Variants in TPH2 observed in about 807,000 individuals in gnomAD.
TPH2 encodes tryptophan hydroxylase 2, also known as tryptophan 5-hydroxylase 2.
Under a neutral mutation model 59.1 loss-of-function variants are expected in TPH2, and 27 were observed. The observed-to-expected ratio is 0.46, with a 90% CI of 0.34 to 0.63. The LOEUF (loss-of-function observed/expected upper bound fraction) is 0.63, where lower values mean the gene tolerates loss of function less well. Ranked by LOEUF, TPH2 falls within the 30% of genes least tolerant of loss-of-function variation. TPH2 has a pLI of 0.01. For missense variants in TPH2, 523 were observed against 588.3 expected (o/e 0.89, Z 1.15); for synonymous variants, 220 against 210.5 (o/e 1.05, Z -0.39).
At chr12:71,975,384 TG>T (rs1235743238) in intron 6 of TPH2, among the ~76,000 whole-genome samples, 3 of 152,060 alleles carry the variant, frequency 2.0e-5, no homozygotes, top group Admixed American at 2.0e-4. Context: ...CTATTCTCAC[TG>T]TTGGGGTGTA....
chr12:72,011,250 A>G (rs942990194), intron 8 of TPH2, among the ~76,000 whole-genome samples: 1 of 152,228 alleles, frequency 6.6e-6, no homozygotes, highest in East Asian at 1.9e-4. Flanking sequence ...CTAAGGTCCA[A>G]TGAGTGAGAC....
chr12:72,006,079 C>A (rs542808614), intron 8 of TPH2, among the ~76,000 whole-genome samples: 1 of 152,088 alleles, frequency 6.6e-6, no homozygotes, highest in Admixed American at 6.6e-5. Flanking sequence ...TGACACTATG[C>A]GGTTTTCCTG....
rs963245658 is a variant in TPH2 at position 71,945,171 on chromosome 12, A to G, written c.540+485A>G. Among the ~76,000 whole-genome samples the G allele has an allele frequency of 3.3e-5, 5 of 152,318 alleles. No homozygotes were observed. In the East Asian group the frequency reaches 9.6e-4, roughly 29 times the overall value. On this transcript the variant is annotated intron_variant, in intron 4 of 10. Coordinates refer to ENST00000333850, the MANE Select transcript of TPH2 (RefSeq NM_173353.4). ...ATGGAAAGGTAGAGAGTTTTAGAATAAAGGCTATGATGGAAGACATATCTC... is the reference window on the plus strand; with the variant it reads ...ATGGAAAGGTAGAGAGTTTTAGAATGAAGGCTATGATGGAAGACATATCTC...
At chr12:71,958,716 A>C (rs899002945) in intron 5 of TPH2, among the ~76,000 whole-genome samples, 1 of 152,204 alleles carries the variant, frequency 6.6e-6, no homozygotes, top group Non-Finnish European at 1.5e-5. Flanking sequence ...GGAAATAAAC[A>C]CAGCTGGGCT....
chr12:72,003,054 C>T lies in TPH2; in HGVS notation c.1068+8489C>T, dbSNP rs1258051729. ...TTTATAAATTGCTAATTAATATTTT[C>T]CTCCCTGCTGAGGATATTAGCTTGT... On this transcript the variant is annotated intron_variant, in intron 8 of 10. Coordinates refer to ENST00000333850, the MANE Select transcript of TPH2 (RefSeq NM_173353.4). 2.0e-5 allele frequency among the ~76,000 whole-genome samples: 3 copies of T among 152,128 alleles called. No homozygotes were observed. The East Asian group carries it at 5.8e-4, about 29-fold the overall frequency.
chr12:72,005,390 CATAT>C (rs72150101), intron 8 of TPH2, among the ~76,000 whole-genome samples: 5 of 151,720 alleles, frequency 3.3e-5, no homozygotes, highest in Non-Finnish European at 7.4e-5. Context: ...AAAAAGATAA[CATAT>C]ATTTATTGTA....
intron 5 of TPH2, among the ~76,000 whole-genome samples, chr12:71,957,809 A>G (rs1286434238): frequency 6.6e-6 from 1 of 152,218 alleles, no homozygotes. Context: ...GCCCCCTCAA[A>G]GGCCTTCCCA....
At chr12:71,992,450 A>G (rs930864741) in intron 7 of TPH2, among the ~76,000 whole-genome samples, 7 of 147,826 alleles carry the variant, frequency 4.7e-5, no homozygotes, top group African/African-American at 1.5e-4. Context: ...CATTTCTACA[A>G]AAAATTAGCC....
At position 72,019,582 on chromosome 12, in the gene TPH2, C is replaced by A. The variant is rs148932369; in HGVS notation, c.1069-2817C>A. 4.3e-3 allele frequency among the ~76,000 whole-genome samples: 654 copies of A among 152,268 alleles called. 4 individuals carry two copies. The highest frequency in any genetic ancestry group is 0.015 in the African/African-American group (615 of 41,542). The stretch of plus-strand genomic sequence containing the variant: ...ACCCTTTTTCTAAAATAGTCACATT[C>A]CCTGCTTAATATTTGACATATTATA... On this transcript the variant is annotated intron_variant, in intron 8 of 10. Coordinates refer to ENST00000333850, the MANE Select transcript of TPH2 (RefSeq NM_173353.4).
intron 7 of TPH2, among the ~76,000 whole-genome samples, chr12:71,990,835 GT>G: frequency 6.6e-6 from 1 of 152,232 alleles, no homozygotes; most frequent in East Asian, 1.9e-4. Flanking sequence ...GAGCTGAGAA[GT>G]GGGCACAAGT....
intron 2 of TPH2, among the ~76,000 whole-genome samples, chr12:71,942,293 G>C (rs142072780): frequency 6.6e-6 from 1 of 152,072 alleles, no homozygotes; most frequent in Non-Finnish European, 1.5e-5. Context: ...ATCTTCTCAG[G>C]CCCAAATCTG....
chr12:72,002,402 T>C (rs768396468), intron 8 of TPH2, among the ~76,000 whole-genome samples: 10 of 151,978 alleles, frequency 6.6e-5, no homozygotes, highest in African/African-American at 2.2e-4. Context: ...AAAATGAGAA[T>C]ACACTGTAGT....
intron 5 of TPH2, among the ~76,000 whole-genome samples, chr12:71,950,637 AT>A (rs1469924811): frequency 6.6e-6 from 1 of 152,162 alleles, no homozygotes. Context: ...GTCTGGTATG[AT>A]TGATCAAGCT....
chr12:72,019,822 A>G (rs1873361030), intron 8 of TPH2, among the ~76,000 whole-genome samples: 1 of 152,160 alleles, frequency 6.6e-6, no homozygotes, highest in Admixed American at 6.5e-5. Context: ...GAATGAGTGG[A>G]TGGATGTCAC....
At chr12:72,029,221 G>C (rs1341897355) in intron 9 of TPH2, among the ~76,000 whole-genome samples, 1 of 152,172 alleles carries the variant, frequency 6.6e-6, no homozygotes, top group African/African-American at 2.4e-5. Context: ...CTTTAGCTTA[G>C]CAAGGATGTC....
chr12:72,001,079 G>C (rs530130671), intron 8 of TPH2, among the ~76,000 whole-genome samples: 2 of 152,200 alleles, frequency 1.3e-5, no homozygotes, highest in Non-Finnish European at 2.9e-5. Flanking sequence ...CATCATCTGT[G>C]GGGGAAGCAA....
intron 8 of TPH2, among the ~76,000 whole-genome samples, chr12:72,008,348 G>A (rs1873009726): frequency 6.6e-6 from 1 of 152,182 alleles, no homozygotes; most frequent in African/African-American, 2.4e-5. Flanking sequence ...TTAAGCCCAT[G>A]CTTGCCTAAT....
intron 8 of TPH2, 48 bp from the exon 9 acceptor site, chr12:72,022,351 A>G: frequency 7.1e-7 from 1 of 1,401,302 alleles, no homozygotes; most frequent in Non-Finnish European, 1.0e-6. Flanking sequence ...TAATCCTATC[A>G]AATAACTCAT....
At chr12:71,972,740 T>A (rs1162796377) in intron 6 of TPH2, 25 bp downstream of exon 6, 1 of 1,608,894 alleles carries the variant, frequency 6.2e-7, no homozygotes, top group Non-Finnish European at 8.5e-7. Flanking sequence ...AGGCTGTCTC[T>A]TATTAGTCAA....
Sources: gnomAD v4.1 joint callset for allele counts (sites outside exome capture counted in the v4.1 genomes callset) on GRCh38, gnomAD v4.1.1 for gene constraint, MANE v1.5 for transcripts, NCBI Gene and HGNC (gene_info 2026-07-23, HGNC 2026-07-21) for gene names.